ASCC1: variants seen among roughly 807,000 people sequenced by gnomAD.
ASCC1 encodes ASC-1 complex subunit P50.
A neutral mutation model predicts 46.6 loss-of-function variants in ASCC1; 35 were observed. The ratio of observed to expected loss-of-function variants is 0.75; its 90% CI spans 0.57 to 0.99. The LOEUF is 0.99. Among genes scored for constraint, ASCC1 ranks in the 50% least tolerant of loss-of-function variants. The pLI is 0.00. For missense variants in ASCC1, 376 were observed against 428.7 expected (o/e 0.88, Z 1.09); for synonymous variants, 143 against 146.6 (o/e 0.98, Z 0.18).
chr10:72,190,399 T>G, intron 5 of ASCC1: 2 of 1,595,864 alleles, frequency 1.3e-6, no homozygotes, highest in African/African-American at 2.7e-5. Flanking sequence ...GAAGAAATCC[T>G]GACACCCAGT....
intron 9 of ASCC1, among the ~76,000 whole-genome samples, chr10:72,116,397 G>A (rs571754287): frequency 1.3e-5 from 2 of 152,298 alleles, no homozygotes; most frequent in South Asian, 4.1e-4. Context: ...CAAGTTGTAA[G>A]AAAGCAAAGT....
chr10:72,133,763 T>C (rs1404183500), intron 7 of ASCC1: 1 of 169,138 alleles, frequency 5.9e-6, no homozygotes, highest in Non-Finnish European at 1.3e-5. Flanking sequence ...AATAGCAGAG[T>C]GGGAAGGGCT....
chr10:72,097,505 T>C (rs1841220918), intron 9 of ASCC1, 55 bp from the exon 10 acceptor site: 1 of 1,071,516 alleles, frequency 9.3e-7, no homozygotes, highest in South Asian at 1.3e-5. Context: ...GATGAAAATA[T>C]TAAACATCAG....
chr10:72,142,952 G>A (rs1426756016), intron 7 of ASCC1, among the ~76,000 whole-genome samples: 2 of 151,894 alleles, frequency 1.3e-5, no homozygotes, highest in African/African-American at 4.8e-5. Context: ...CACGAGTCAG[G>A]AGATCTAGAC....
chr10:72,161,015 A>G (rs1238065561), intron 6 of ASCC1, among the ~76,000 whole-genome samples: 5 of 151,956 alleles, frequency 3.3e-5, no homozygotes, highest in Non-Finnish European at 7.4e-5. Flanking sequence ...CCCAGCAGGC[A>G]GAGCTTGCAG....
At chr10:72,169,978 G>A (rs1850855190) in intron 5 of ASCC1, among the ~76,000 whole-genome samples, 1 of 152,110 alleles carries the variant, frequency 6.6e-6, no homozygotes, top group African/African-American at 2.4e-5. Flanking sequence ...AAATTAGCAG[G>A]GCATGGTATC....
intron 6 of ASCC1, among the ~76,000 whole-genome samples, chr10:72,153,307 T>A (rs1339983480): frequency 2.0e-5 from 3 of 152,256 alleles, no homozygotes; most frequent in Non-Finnish European, 4.4e-5. Flanking sequence ...ACATTTACTA[T>A]GTTGGCTCAT....
At position 72,108,674 on chromosome 10, in the gene ASCC1, C is replaced by T. The variant is rs184187426; in HGVS notation, c.958-11224G>A. 2.0e-5 allele frequency among the ~76,000 whole-genome samples: 3 copies of T among 152,262 alleles called. No individual in the cohort carries two copies. In the East Asian group the frequency reaches 5.8e-4, roughly 29 times the overall value. On this transcript the variant is annotated intron_variant, in intron 9 of 9. Coordinates refer to ENST00000672957, the MANE Select transcript of ASCC1 (RefSeq NM_001198800.3). ...GGTCGACATTATCAATGACTACAGA[C>T]CCACTCCCTCCCCCAATTTCTCCAT...
intron 9 of ASCC1, among the ~76,000 whole-genome samples, chr10:72,125,442 T>C (rs757934965): frequency 7.2e-5 from 11 of 152,232 alleles, no homozygotes; most frequent in Non-Finnish European, 1.2e-4. Context: ...TTTCATATCA[T>C]ACAAAAACTA....
intron 4 of ASCC1, among the ~76,000 whole-genome samples, chr10:72,202,219 CACTTTAGA>C (rs1384717944): frequency 6.6e-6 from 1 of 152,118 alleles, no homozygotes; most frequent in Non-Finnish European, 1.5e-5. Context: ...GTAATCCCAG[CACTTTAGA>C]AGGCCAAGGT....
intron 5 of ASCC1, among the ~76,000 whole-genome samples, chr10:72,187,732 A>AC (rs1853703963): frequency 6.6e-6 from 1 of 150,430 alleles, no homozygotes; most frequent in African/African-American, 2.5e-5. Flanking sequence ...AAAAAAAAAA[A>AC]AAAAAAAAAA....
chr10:72,196,927 C>A lies in ASCC1; in HGVS notation c.373G>T (p.Asp125Tyr). 1 of 1,613,640 alleles carries A rather than the reference C, an allele frequency of 6.2e-7. No individual in the cohort carries two copies. Among genetic ancestry groups the A allele is most frequent in the Non-Finnish European group, 8.5e-7 (1 of 1,180,020 alleles). ...AAGGGCTGCTTTCTTCGAAAAGTGTCCAAAAGAACATCAATCCGTGTTCGG... is the reference window on the plus strand; with the variant it reads ...AAGGGCTGCTTTCTTCGAAAAGTGTACAAAAGAACATCAATCCGTGTTCGG... ...SARTRIDVLL[D>Y]TFRRKQPFTH... Residue 125 changes from aspartate (D) to tyrosine (Y), a missense_variant, in exon 5 of 10, where the codon GAC (aspartate) becomes TAC (tyrosine). Transcript: ENST00000672957.
At chr10:72,151,881 G>C (rs569146920) in intron 7 of ASCC1, among the ~76,000 whole-genome samples, 1 of 151,846 alleles carries the variant, frequency 6.6e-6, no homozygotes, top group African/African-American at 2.4e-5. Context: ...AGTAGAGATG[G>C]GGTTTCACCG....
intron 1 of ASCC1, among the ~76,000 whole-genome samples, chr10:72,215,263 G>C (rs927314620): frequency 2.6e-5 from 4 of 152,188 alleles, no homozygotes; most frequent in African/African-American, 9.6e-5. Flanking sequence ...GCCGGGTGTG[G>C]TGGCGGGCGC....
chr10:72,139,937 A>G (rs1344701647), intron 7 of ASCC1, among the ~76,000 whole-genome samples: 1 of 152,224 alleles, frequency 6.6e-6, no homozygotes, highest in African/African-American at 2.4e-5. Context: ...TGAGACTATA[A>G]AGTAGATTTT....
At chr10:72,127,894 A>G (rs960525654) in intron 9 of ASCC1, among the ~76,000 whole-genome samples, 188 bp downstream of exon 9, 2 of 151,498 alleles carry the variant, frequency 1.3e-5, no homozygotes, top group African/African-American at 4.9e-5. Flanking sequence ...AATTTCAAAT[A>G]CTCTAGAAGT....
At chr10:72,101,014 G>A (rs1206638141) in intron 9 of ASCC1, among the ~76,000 whole-genome samples, 7 of 152,146 alleles carry the variant, frequency 4.6e-5, no homozygotes, top group African/African-American at 1.2e-4. Context: ...TCAAGGAGGC[G>A]GGGGACATTT....
intron 5 of ASCC1, among the ~76,000 whole-genome samples, chr10:72,192,245 G>A (rs1186468471): frequency 6.6e-6 from 1 of 151,964 alleles, no homozygotes; most frequent in Non-Finnish European, 1.5e-5. Context: ...CACGAGGTCA[G>A]GAGTTCAAGA....
chr10:72,204,045 T>C (rs1266361664), intron 3 of ASCC1, among the ~76,000 whole-genome samples: 2 of 152,142 alleles, frequency 1.3e-5, no homozygotes, highest in East Asian at 3.9e-4. Context: ...GGTCAAGAGT[T>C]CGAGACCAGC....
Sources: allele counts gnomAD v4.1 joint callset (sites outside exome capture counted in the v4.1 genomes callset), GRCh38; gene constraint gnomAD v4.1.1; transcripts MANE v1.5; gene names NCBI Gene and HGNC (gene_info 2026-07-23, HGNC 2026-07-21).